The following OXCT1 variants were observed in gnomAD, a reference collection of about 807,000 sequenced individuals.
The protein encoded by OXCT1 is succinyl-CoA:3-ketoacid coenzyme A transferase 1, mitochondrial.
OXCT1 carries 27 observed loss-of-function variants against 69.6 expected under a neutral mutation model. The observed-to-expected ratio is 0.39, with a 90% CI of 0.29 to 0.54. OXCT1 has a LOEUF of 0.54. Among genes scored for constraint, OXCT1 ranks in the 20% least tolerant of loss-of-function variants. The pLI is 0.72. For missense variants in OXCT1, 437 were observed against 650.2 expected (o/e 0.67, Z 3.57); for synonymous variants, 202 against 217.8 (o/e 0.93, Z 0.64).
intron 4 of OXCT1, among the ~76,000 whole-genome samples, chr5:41,851,134 G>GA (rs1393821070): frequency 6.6e-6 from 1 of 151,550 alleles, no homozygotes; most frequent in Non-Finnish European, 1.5e-5. Flanking sequence ...GCCTCTTTAA[G>GA]AAAAAAAAGA....
chr5:41,730,858 A>G lies in OXCT1; in HGVS notation c.*871T>C, dbSNP rs1452867602. The G allele has an allele frequency of 6.6e-6, 1 of 152,204 alleles. No homozygotes were observed. Among genetic ancestry groups the G allele is most frequent in the African/African-American group, 2.4e-5 (1 of 41,450 alleles). 9.4% of individuals were successfully genotyped at this position (152,204 alleles called of 1,614,324 possible). On this transcript the variant is annotated 3_prime_UTR_variant, in exon 17 of 17. Coordinates refer to ENST00000196371, the MANE Select transcript of OXCT1 (RefSeq NM_000436.4). ...CAATATTTAAAATCTCCTCTGAACC[A>G]AAACAAGAGCCTGAAAGTAAAACAC...
chr5:41,849,879 A>C (rs1749096650), intron 5 of OXCT1, 151 bp downstream of exon 5: 1 of 808,580 alleles, frequency 1.2e-6, no homozygotes, highest in Admixed American at 2.0e-5. Context: ...GTGGATGCCC[A>C]GATTTAGCTA....
At chr5:41,795,551 A>C (rs1746137585) in intron 11 of OXCT1, among the ~76,000 whole-genome samples, 4 of 152,204 alleles carry the variant, frequency 2.6e-5, no homozygotes, top group Admixed American at 2.6e-4. Flanking sequence ...ATAAGAAGGA[A>C]TGCAATTTTG....
intron 7 of OXCT1, among the ~76,000 whole-genome samples, chr5:41,829,630 A>C (rs958416324): frequency 2.0e-5 from 3 of 152,162 alleles, no homozygotes; most frequent in Non-Finnish European, 4.4e-5. Context: ...TCACCAATAA[A>C]CTATTTCTAT....
At chr5:41,797,796 G>A (rs1269678300) in intron 11 of OXCT1, among the ~76,000 whole-genome samples, 1 of 152,206 alleles carries the variant, frequency 6.6e-6, no homozygotes, top group Non-Finnish European at 1.5e-5. Context: ...TTCTAATTCA[G>A]TAAGTGTGGT....
chr5:41,751,281 A>G (rs867743380), intron 14 of OXCT1, among the ~76,000 whole-genome samples: 34 of 152,144 alleles, frequency 2.2e-4, no homozygotes, highest in African/African-American at 8.2e-4. Flanking sequence ...ATTTTCTGCA[A>G]GGAGCTCTTA....
intron 14 of OXCT1, among the ~76,000 whole-genome samples, chr5:41,758,600 TA>T (rs1744198270): frequency 6.6e-6 from 1 of 150,944 alleles, no homozygotes; most frequent in Non-Finnish European, 1.5e-5. Flanking sequence ...GATGGCACCT[TA>T]GAAGGCTGCA....
chr5:41,822,390 T>C (rs183874320), intron 7 of OXCT1, among the ~76,000 whole-genome samples: 3 of 152,274 alleles, frequency 2.0e-5, no homozygotes, highest in Admixed American at 6.5e-5. Flanking sequence ...CTGACCTCTT[T>C]ATCATTATGG....
chr5:41,830,728 A>G lies in OXCT1; in HGVS notation c.732+9723T>C, dbSNP rs534742368. 2.6e-5 allele frequency among the ~76,000 whole-genome samples: 4 copies of G among 152,312 alleles called. No homozygotes were observed. The South Asian group carries it at 8.3e-4, about 32-fold the overall frequency. On this transcript the variant is annotated intron_variant, in intron 7 of 16. Coordinates refer to ENST00000196371, the MANE Select transcript of OXCT1 (RefSeq NM_000436.4). The stretch of plus-strand genomic sequence containing the variant: ...GGACAGAAGCTTCATTTTTCTTCCT[A>G]TCCCAACATTCTTTTTATTGCCTCT...
At chr5:41,862,773 T>C (rs977862893) in intron 1 of OXCT1, 23 bp from the exon 2 acceptor site, 2 of 1,251,640 alleles carry the variant, frequency 1.6e-6, no homozygotes, top group East Asian at 2.4e-5. Flanking sequence ...AAAAAAAAAA[T>C]TGATAATCAT....
intron 13 of OXCT1, among the ~76,000 whole-genome samples, chr5:41,767,722 G>GTATATATATATGTGTGTGTATATA (rs1744678606): frequency 1.1e-5 from 1 of 89,972 alleles, no homozygotes; most frequent in East Asian, 2.9e-4. Context: ...ATATGTGTGT[G>GTATATATATATGTGTGTGTATATA]TATATATATA....
intron 11 of OXCT1, among the ~76,000 whole-genome samples, chr5:41,797,350 C>A (rs1440533742): frequency 6.6e-6 from 1 of 152,218 alleles, no homozygotes; most frequent in Non-Finnish European, 1.5e-5. Flanking sequence ...TAATACATTA[C>A]TGCATCTTAA....
intron 13 of OXCT1, among the ~76,000 whole-genome samples, chr5:41,763,182 G>A (rs1021252679): frequency 6.6e-6 from 1 of 152,042 alleles, no homozygotes; most frequent in Non-Finnish European, 1.5e-5. Flanking sequence ...CATGATTTTG[G>A]AGACATTTTA....
intron 3 of OXCT1, among the ~76,000 whole-genome samples, chr5:41,855,676 G>T (rs899201618): frequency 1.3e-5 from 2 of 152,100 alleles, no homozygotes; most frequent in African/African-American, 4.8e-5. Flanking sequence ...CCTGTGTCAG[G>T]CTCTGGAGCT....
At chr5:41,847,050 A>C (rs1159140329) in intron 5 of OXCT1, among the ~76,000 whole-genome samples, 1 of 152,154 alleles carries the variant, frequency 6.6e-6, no homozygotes, top group African/African-American at 2.4e-5. Context: ...AATAAAGAAA[A>C]AAAGAGAGAA....
At chr5:41,737,119 T>C (rs140816804) in intron 16 of OXCT1, among the ~76,000 whole-genome samples, 10 of 152,352 alleles carry the variant, frequency 6.6e-5, no homozygotes, top group East Asian at 3.9e-4. Flanking sequence ...AGAGATGCCA[T>C]TGATCGTCAG....
At chr5:41,801,742 CT>C (rs1746434315) in intron 10 of OXCT1, among the ~76,000 whole-genome samples, 1 of 152,030 alleles carries the variant, frequency 6.6e-6, no homozygotes, top group South Asian at 2.1e-4. Flanking sequence ...TTTTGATATA[CT>C]TATGTCCTTA....
intron 7 of OXCT1, among the ~76,000 whole-genome samples, chr5:41,817,524 A>G (rs929216377): frequency 6.6e-6 from 1 of 152,202 alleles, no homozygotes; most frequent in Admixed American, 6.5e-5. Flanking sequence ...AACACTCTAG[A>G]TTAATGTCAT....
intron 14 of OXCT1, among the ~76,000 whole-genome samples, chr5:41,755,754 A>G (rs947850625): frequency 2.6e-5 from 4 of 152,148 alleles, no homozygotes; most frequent in African/African-American, 9.6e-5. Flanking sequence ...CTGAAATGAA[A>G]AGATACTTGA....
Sources: gnomAD v4.1 joint callset for allele counts (sites outside exome capture counted in the v4.1 genomes callset) on GRCh38, gnomAD v4.1.1 for gene constraint, MANE v1.5 for transcripts, NCBI Gene and HGNC (gene_info 2026-07-23, HGNC 2026-07-21) for gene names.